ADGRE3: variants seen among roughly 807,000 people sequenced by gnomAD.
ADGRE3 encodes the protein EGF-like module receptor 3.
In ADGRE3, 88 loss-of-function variants were observed where a neutral mutation model predicts 80.1. The ratio of observed to expected loss-of-function variants is 1.10; its 90% confidence interval spans 0.93 to 1.31. ADGRE3 has a LOEUF of 1.31. Among genes scored for constraint, ADGRE3 ranks in the 40% most tolerant of loss-of-function variants. The probability of loss-of-function intolerance (pLI) is 0.00; values close to 1 mark genes in which losing one functional copy is unlikely to be tolerated. For missense variants in ADGRE3, 715 were observed against 776.5 expected (o/e 0.92, Z 0.94); for synonymous variants, 281 against 294.8 (o/e 0.95, Z 0.48).
intron 6 of ADGRE3, among the ~76,000 whole-genome samples, chr19:14,654,437 T>A (rs796118162): frequency 7.7e-4 from 116 of 150,932 alleles, no homozygotes; most frequent in African/African-American, 2.7e-3. Flanking sequence ...AAATTTTAAA[T>A]TTTTTTTAAA....
At chr19:14,627,581 G>A (rs1245478098) in intron 14 of ADGRE3, among the ~76,000 whole-genome samples, 1 of 151,884 alleles carries the variant, frequency 6.6e-6, no homozygotes, top group Non-Finnish European at 1.5e-5. Flanking sequence ...CTTTCACCAT[G>A]TTGGCCAGGC....
chr19:14,625,736 A>G, intron 14 of ADGRE3, 137 bp from the exon 15 acceptor site: 1 of 619,740 alleles, frequency 1.6e-6, no homozygotes. Context: ...CGTACAATGG[A>G]ATATTACTCA....
intron 5 of ADGRE3, among the ~76,000 whole-genome samples, chr19:14,657,083 A>T (rs1343467242): frequency 1.3e-5 from 2 of 151,822 alleles, no homozygotes. Context: ...TTTTGTAGAC[A>T]TGGGGGTTTC....
intron 10 of ADGRE3, among the ~76,000 whole-genome samples, chr19:14,638,544 GTT>G (rs558736217): frequency 6.6e-6 from 1 of 152,020 alleles, no homozygotes; most frequent in South Asian, 2.1e-4. Context: ...GAGCCCAGGA[GTT>G]TGAGACCAGC....
rs1029481744 is a variant in ADGRE3, at chr19:14,641,749, A to G, written c.1051-133T>C. The G allele has an allele frequency of 2.8e-6, 3 of 1,078,266 alleles. No homozygotes were observed. In the African/African-American group the frequency reaches 4.7e-5, roughly 17 times the overall value. The allele number at this position is 1,078,266 out of a possible 1,614,324, so 66.8% of individuals were successfully genotyped here. On this transcript the variant is annotated intron_variant, in intron 9 of 15. Transcript: ENST00000253673. ...TGGGACCGTTAGACTGCTAATGTAGATTGCTAATGTAGACTGCTAATATAC... is the reference window on the plus strand; with the variant it reads ...TGGGACCGTTAGACTGCTAATGTAGGTTGCTAATGTAGACTGCTAATATAC...
chr19:14,658,621 G>T, intron 4 of ADGRE3, 71 bp from the exon 5 acceptor site: 1 of 1,173,410 alleles, frequency 8.5e-7, no homozygotes, highest in Non-Finnish European at 1.2e-6. Context: ...GGCAGGTGGG[G>T]TAAGTAATGG....
chr19:14,674,545 C>G (rs772590398), intron 1 of ADGRE3, among the ~76,000 whole-genome samples: 7 of 151,884 alleles, frequency 4.6e-5, no homozygotes, highest in African/African-American at 1.5e-4. Flanking sequence ...AACCAAGCTA[C>G]TAGATTGGAT....
chr19:14,642,433 T>TA, intron 9 of ADGRE3, among the ~76,000 whole-genome samples: 1 of 152,182 alleles, frequency 6.6e-6, no homozygotes. Flanking sequence ...TGAAGGGATT[T>TA]AAAAAACTTT....
chr19:14,669,885 C>A (rs1156916917), intron 1 of ADGRE3, among the ~76,000 whole-genome samples: 2 of 152,016 alleles, frequency 1.3e-5, no homozygotes, highest in Admixed American at 6.6e-5. Context: ...GATCTCCAAA[C>A]TCAACAAAAA....
intron 9 of ADGRE3, among the ~76,000 whole-genome samples, chr19:14,642,154 G>A (rs1311914379): frequency 6.6e-6 from 1 of 152,122 alleles, no homozygotes; most frequent in East Asian, 1.9e-4. Context: ...TTACTGAACT[G>A]TATATACATT....
chr19:14,605,382 C>T, the ADGRE3 span, among the ~76,000 whole-genome samples: 1 of 151,782 alleles, frequency 6.6e-6, no homozygotes, highest in African/African-American at 2.4e-5. Flanking sequence ...AGGCATGAGC[C>T]ACCGCGCCCG....
chr19:14,658,755 GA>G (rs1971849427), intron 4 of ADGRE3, among the ~76,000 whole-genome samples: 1 of 151,710 alleles, frequency 6.6e-6, no homozygotes, highest in Non-Finnish European at 1.5e-5. Flanking sequence ...TTTATTTTGA[GA>G]CAGAGTCTCA....
intron 2 of ADGRE3, among the ~76,000 whole-genome samples, chr19:14,667,938 A>G (rs1183492956): frequency 6.6e-6 from 1 of 152,132 alleles, no homozygotes; most frequent in East Asian, 1.9e-4. Context: ...ATCTTGTAAA[A>G]CTGAAACTCT....
At chr19:14,607,424 T>C in the ADGRE3 span, among the ~76,000 whole-genome samples, 98,790 of 150,892 alleles carry the variant, frequency 0.65, 32,845 homozygotes, top group Non-Finnish European at 0.72. Context: ...AGGATGGTCT[T>C]GATCTCCTGA....
rs113987580 is a variant in ADGRE3 at position 14,624,932 on chromosome 19, AG to A, written c.1920+559del. On this transcript the variant is annotated intron_variant, in intron 15 of 15. Transcript: ENST00000253673. ...ACTGGGGCCTGTTAGGGGACGTTGG[AG>A]GGGGGAGAGCATTAGGGAAAAGAGC... 1.5e-3 allele frequency among the ~76,000 whole-genome samples: 233 copies of A among 151,586 alleles called. 1 individual carries two copies. Among genetic ancestry groups the A allele is most frequent in the Middle Eastern group, 6.8e-3 (2 of 294 alleles).
intron 6 of ADGRE3, among the ~76,000 whole-genome samples, chr19:14,652,413 C>T (rs1224272558): frequency 1.3e-5 from 2 of 151,760 alleles, no homozygotes; most frequent in Non-Finnish European, 2.9e-5. Flanking sequence ...ATTTTATTCT[C>T]CTATTTCCTT....
the ADGRE3 span, among the ~76,000 whole-genome samples, chr19:14,604,075 C>T: frequency 6.6e-6 from 1 of 152,166 alleles, no homozygotes; most frequent in Non-Finnish European, 1.5e-5. Context: ...GATCTTTCTG[C>T]TCCTCCTATC....
At chr19:14,653,816 C>T (rs976530011) in intron 6 of ADGRE3, among the ~76,000 whole-genome samples, 13 of 151,980 alleles carry the variant, frequency 8.6e-5, no homozygotes, top group African/African-American at 1.7e-4. Flanking sequence ...ACAGTTAGGA[C>T]GTGGCAAAAT....
chr19:14,617,277 C>T (rs1341925043), downstream of ADGRE3, among the ~76,000 whole-genome samples: 9 of 146,516 alleles, frequency 6.1e-5, no homozygotes, highest in Non-Finnish European at 1.1e-4. Context: ...CTTTCTTTTT[C>T]GTTCTTTCTC....
Sources: gnomAD v4.1 joint callset for allele counts (sites outside exome capture counted in the v4.1 genomes callset) on GRCh38, gnomAD v4.1.1 for gene constraint, MANE v1.5 for transcripts, NCBI Gene and HGNC (gene_info 2026-07-23, HGNC 2026-07-21) for gene names.